CCDC7: variants seen among roughly 807,000 people sequenced by gnomAD.
CCDC7 encodes coiled-coil domain containing 7.
In CCDC7, 183 loss-of-function variants were observed where a neutral mutation model predicts 196.9. The ratio of observed to expected loss-of-function variants is 0.93; its 90% CI spans 0.82 to 1.05. The LOEUF (loss-of-function observed/expected upper bound fraction) is 1.05, where lower values mean the gene tolerates loss of function less well. CCDC7 is among the 50% of genes least tolerant of loss of function. The pLI is 0.00. For synonymous variants in CCDC7, 525 were observed against 484.6 expected, an observed-to-expected ratio of 1.08 and a Z score of -1.10; for missense variants, 1,540 against 1,482.2, an observed-to-expected ratio of 1.04 and a Z score of -0.64.
At chr10:32,592,379 G>A (rs1021080438) in intron 18 of CCDC7, among the ~76,000 whole-genome samples, 7 of 151,558 alleles carry the variant, frequency 4.6e-5, no homozygotes, top group Non-Finnish European at 7.4e-5. Context: ...GCTAGCTTTG[G>A]ATTTAGGTTG....
chr10:32,476,820 A>G (rs2039055302), intron 8 of CCDC7, among the ~76,000 whole-genome samples: 1 of 152,218 alleles, frequency 6.6e-6, no homozygotes, highest in Non-Finnish European at 1.5e-5. Flanking sequence ...GATGTTGAGC[A>G]TGTTTTCATA....
At chr10:32,611,581 T>G (rs61857777) in intron 18 of CCDC7, among the ~76,000 whole-genome samples, 52,189 of 152,082 alleles carry the variant, frequency 0.34, 11,383 homozygotes, top group Non-Finnish European at 0.49. Context: ...TTAATCCATC[T>G]TGAGTTAATT....
intron 16 of CCDC7, among the ~76,000 whole-genome samples, 198 bp downstream of exon 17, chr10:32,572,091 A>G (rs1223532540): frequency 6.6e-6 from 1 of 152,150 alleles, no homozygotes; most frequent in African/African-American, 2.4e-5. Flanking sequence ...TGAAAAATTT[A>G]AATTTAAATT....
At chr10:32,680,427 C>CTTT (rs34351891) in intron 21 of CCDC7, among the ~76,000 whole-genome samples, 1 of 148,890 alleles carries the variant, frequency 6.7e-6, no homozygotes, top group Non-Finnish European at 1.5e-5. Context: ...TATGTTCTTT[C>CTTT]TTTTTTTTTT....
chr10:32,711,163 T>C (rs927523605), intron 24 of CCDC7, among the ~76,000 whole-genome samples: 1 of 151,734 alleles, frequency 6.6e-6, no homozygotes, highest in African/African-American at 2.4e-5. Flanking sequence ...TACACACATA[T>C]ACATGTATAT....
rs116919990 is a variant in CCDC7 at position 32,875,913 on chromosome 10, A to T, written c.4112-434A>T. Among the ~76,000 whole-genome samples, 1,203 of 152,122 alleles carry T rather than the reference A, an allele frequency of 7.9e-3. 7 individuals are homozygous for T. The highest frequency in any genetic ancestry group is 0.02 in the Middle Eastern group (6 of 294). On this transcript the variant is annotated intron_variant, in intron 41 of 41. Coordinates refer to ENST00000639629, the Ensembl canonical transcript of CCDC7. The stretch of plus-strand genomic sequence containing the variant: ...ATATACATTTTTTTTGTATGCCAAA[A>T]TACAAAATTCCAGTGAACTGGAACT...
chr10:32,694,238 GTT>G (rs2077419807), intron 23 of CCDC7, among the ~76,000 whole-genome samples: 1 of 151,958 alleles, frequency 6.6e-6, no homozygotes, highest in Non-Finnish European at 1.5e-5. Flanking sequence ...ATTGTCACTT[GTT>G]TTTATTATTT....
chr10:32,760,516 A>G (rs971022355), intron 28 of CCDC7, among the ~76,000 whole-genome samples: 13 of 151,980 alleles, frequency 8.6e-5, no homozygotes, highest in Admixed American at 5.9e-4. Context: ...AACACCGCAT[A>G]TTCTCACTCA....
intron 2 of CCDC7, among the ~76,000 whole-genome samples, chr10:32,454,577 TA>T (rs150293880): frequency 1.6e-4 from 24 of 146,794 alleles, no homozygotes; most frequent in East Asian, 5.9e-4. Context: ...AAACAAAAGT[TA>T]AAAAAAAAAC....
Position 32,749,949 on chromosome 10 carries a change from C to T in CCDC7, c.2905+20492C>T, listed in dbSNP as rs184501010. On this transcript the variant is annotated intron_variant, in intron 28 of 41. Coordinates refer to ENST00000639629, the Ensembl canonical transcript of CCDC7. ...ACAATTTCCTCCATCCTCACAGTGG[C>T]AATAGTTATATTGATTTTAAGATAA... 1.6e-4 allele frequency among the ~76,000 whole-genome samples: 25 copies of T among 152,200 alleles called. 1 individual carries two copies. The highest frequency in any genetic ancestry group is 1.6e-3 in the Admixed American group (24 of 15,286).
Position 32,504,725 on chromosome 10 carries a change from T to C in CCDC7, c.872+12728T>C, listed in dbSNP as rs144164190. Among the ~76,000 whole-genome samples the C allele has an allele frequency of 4.6e-5, 7 of 152,378 alleles. No homozygotes were observed. In the East Asian group the frequency reaches 1.3e-3, roughly 29 times the overall value. On this transcript the variant is annotated intron_variant, in intron 9 of 41. Transcript: ENST00000639629. ...TTGTGAATTTTTCCAGTTTTTCTCC[T>C]GTCATTGATTTCTAGTTTCAAATTA...
At chr10:32,635,673 C>T (rs1306166881) in intron 20 of CCDC7, among the ~76,000 whole-genome samples, 2 of 151,980 alleles carry the variant, frequency 1.3e-5, no homozygotes, top group African/African-American at 2.4e-5. Context: ...AAAACTATCA[C>T]ATCTGCTATT....
At chr10:32,774,196 G>T (rs1373810004) in intron 28 of CCDC7, among the ~76,000 whole-genome samples, 1 of 152,062 alleles carries the variant, frequency 6.6e-6, no homozygotes, top group Non-Finnish European at 1.5e-5. Context: ...AGCACTATGG[G>T]CCATCCACTT....
At chr10:32,464,505 T>G (rs1010869605) in intron 5 of CCDC7, among the ~76,000 whole-genome samples, 9 of 152,004 alleles carry the variant, frequency 5.9e-5, no homozygotes, top group East Asian at 5.8e-4. Context: ...TGTGTTTGTT[T>G]GTTTGTTTGT....
At chr10:32,836,726 G>C (rs1028939384) in intron 33 of CCDC7, among the ~76,000 whole-genome samples, 1 of 151,962 alleles carries the variant, frequency 6.6e-6, no homozygotes, top group Non-Finnish European at 1.5e-5. Flanking sequence ...TTTTTGATGG[G>C]GTTGTTTTTT....
At chr10:32,475,496 C>A (rs1015165591) in intron 8 of CCDC7, among the ~76,000 whole-genome samples, 5 of 152,218 alleles carry the variant, frequency 3.3e-5, no homozygotes, top group African/African-American at 9.7e-5. Flanking sequence ...ATCTTCCAAT[C>A]ATAAAACCAC....
chr10:32,820,941 G>T (rs2090047031), intron 31 of CCDC7, among the ~76,000 whole-genome samples: 1 of 152,102 alleles, frequency 6.6e-6, no homozygotes, highest in Non-Finnish European at 1.5e-5. Flanking sequence ...AAAAGCAATG[G>T]CAACAAAAGC....
chr10:32,455,471 C>T (rs1051109733), intron 2 of CCDC7, among the ~76,000 whole-genome samples: 21 of 151,972 alleles, frequency 1.4e-4, no homozygotes, highest in Admixed American at 3.9e-4. Context: ...TGCGGCGCCT[C>T]GCCCAGCTAA....
Position 32,845,733 on chromosome 10 carries a change from A to G in CCDC7, c.3520+107A>G. The stretch of plus-strand genomic sequence containing the variant: ...AATAGTACCTATATGTTGGTATTAC[A>G]CAGGTAAAATTCTTCATGAATACCC... On this transcript the variant is annotated intron_variant, in intron 35 of 41. Transcript: ENST00000639629. 7 of 1,174,716 alleles carry G rather than the reference A, an allele frequency of 6.0e-6. No individual in the cohort carries two copies. The South Asian group carries it at 9.4e-5, about 16-fold the overall frequency. The allele number at this position is 1,174,716 out of a possible 1,614,324, so 72.8% of individuals were successfully genotyped here. A position where few individuals can be genotyped will look rare whatever the true frequency, so the allele number is the denominator to read the frequency against.
Sources: gnomAD v4.1 joint callset for allele counts (sites outside exome capture counted in the v4.1 genomes callset) on GRCh38, gnomAD v4.1.1 for gene constraint, MANE v1.5 for transcripts, NCBI Gene and HGNC (gene_info 2026-07-23, HGNC 2026-07-21) for gene names.